The following SLC9B2 variants were observed in gnomAD, a reference collection of about 807,000 sequenced individuals.
The protein encoded by SLC9B2 is solute carrier family 9 member B2.
Under a neutral mutation model 52.2 loss-of-function variants are expected in SLC9B2, and 39 were observed. That is an observed-to-expected ratio of 0.75 (90% confidence interval 0.58 to 0.98). The LOEUF is 0.98. Ranked by LOEUF, SLC9B2 falls within the 50% of genes least tolerant of loss-of-function variation. The pLI is 0.00. For missense variants in SLC9B2, 626 were observed against 637.5 expected (o/e 0.98, Z 0.19); for synonymous variants, 214 against 227.0 (o/e 0.94, Z 0.51).
At chr4:103,040,923 A>T (rs932812906) in intron 9 of SLC9B2, among the ~76,000 whole-genome samples, 3 of 152,180 alleles carry the variant, frequency 2.0e-5, no homozygotes, top group African/African-American at 7.2e-5. Context: ...AATTTGTAGT[A>T]GGGCCCAGAA....
At chr4:103,046,441 CTT>C (rs150052400) in intron 7 of SLC9B2, among the ~76,000 whole-genome samples, 8 of 149,904 alleles carry the variant, frequency 5.3e-5, no homozygotes, top group Non-Finnish European at 9.0e-5. Context: ...GAAAAAATAA[CTT>C]AAGTTCCTCT....
At chr4:103,057,095 A>T (rs1745193319) in intron 4 of SLC9B2, among the ~76,000 whole-genome samples, 1 of 152,032 alleles carries the variant, frequency 6.6e-6, no homozygotes, top group South Asian at 2.1e-4. Flanking sequence ...ATGTCACTGA[A>T]CGTGGAGTTG....
chr4:103,048,818 C>T (rs931671299), intron 6 of SLC9B2, 75 bp downstream of exon 6: 4 of 1,511,136 alleles, frequency 2.6e-6, no homozygotes, highest in Non-Finnish European at 3.6e-6. Flanking sequence ...TTCTATTATG[C>T]ATTCTCTTGT....
intron 7 of SLC9B2, 38 bp from the exon 8 acceptor site, chr4:103,045,034 C>T (rs1743995826): frequency 1.5e-6 from 2 of 1,318,142 alleles, no homozygotes; most frequent in African/African-American, 1.5e-5. Context: ...GCTCTAAATC[C>T]AACAAATACA....
chr4:103,062,777 A>G (rs1377616087), intron 3 of SLC9B2, among the ~76,000 whole-genome samples: 1 of 152,004 alleles, frequency 6.6e-6, no homozygotes, highest in Non-Finnish European at 1.5e-5. Flanking sequence ...TGCATGGCTA[A>G]TTTTTTGTAT....
chr4:103,055,662 A>G (rs193009761), intron 4 of SLC9B2, among the ~76,000 whole-genome samples: 14 of 152,280 alleles, frequency 9.2e-5, no homozygotes, highest in Admixed American at 9.1e-4. Flanking sequence ...CAGAAAAAAA[A>G]AAACTGTTCA....
At chr4:103,064,954 G>A (rs950432178) in intron 3 of SLC9B2, among the ~76,000 whole-genome samples, 1 of 152,058 alleles carries the variant, frequency 6.6e-6, no homozygotes, top group African/African-American at 2.4e-5. Flanking sequence ...GCCAGATGCA[G>A]TGGTATACAT....
At chr4:103,050,136 A>T (rs1259434295) in intron 5 of SLC9B2, 104 bp downstream of exon 5, 1 of 998,272 alleles carries the variant, frequency 1.0e-6, no homozygotes, top group Admixed American at 3.4e-5. Context: ...AATGTCATGC[A>T]AAGTGTCCAC....
At chr4:103,056,894 C>T (rs566751892) in intron 4 of SLC9B2, among the ~76,000 whole-genome samples, 92 of 152,210 alleles carry the variant, frequency 6.0e-4, no homozygotes, top group Middle Eastern at 3.4e-3. Context: ...TGCAGTGTTA[C>T]CATGAATGTT....
chr4:103,030,648 TTA>T (rs943761592), intron 10 of SLC9B2, among the ~76,000 whole-genome samples: 2 of 151,794 alleles, frequency 1.3e-5, no homozygotes, highest in African/African-American at 4.8e-5. Context: ...TAGAGGAATT[TTA>T]TATATATATA....
rs114034657 is a variant in SLC9B2 at position 103,050,339 on chromosome 4, G to A, written c.486C>T (p.Ile162=). ...TGTGCTTGATCTGCACATTATCGTTGATGACTGGGATATTTCTGATGAGAA... is the reference window on the plus strand; with the variant it reads ...TGTGCTTGATCTGCACATTATCGTTAATGACTGGGATATTTCTGATGAGAA... The part of the protein sequence containing the change: ...AGFLIRNIPV[I]NDNVQIKHKW... The change falls in exon 5 of 12, where the codon ATC becomes ATT. Residue 162 remains isoleucine (I), a synonymous_variant. Coordinates refer to ENST00000394785, the MANE Select transcript of SLC9B2 (RefSeq NM_178833.7). The A allele has an allele frequency of 2.9e-4, 464 of 1,608,468 alleles. No homozygotes were observed. In the African/African-American group the frequency reaches 5.5e-3, roughly 19 times the overall value.
chr4:103,054,602 T>A (rs779478975), intron 4 of SLC9B2, among the ~76,000 whole-genome samples: 13 of 152,228 alleles, frequency 8.5e-5, no homozygotes, highest in Non-Finnish European at 2.9e-5. Context: ...ATAGACAATA[T>A]GTAAATGAAT....
chr4:103,068,451 C>A (rs994780559), intron 1 of SLC9B2, among the ~76,000 whole-genome samples: 2 of 152,154 alleles, frequency 1.3e-5, no homozygotes, highest in African/African-American at 4.8e-5. Context: ...TTTTTGTCCT[C>A]TAACATTTCC....
At chr4:103,043,553 T>C (rs1743831522) in intron 8 of SLC9B2, 108 bp from the exon 9 acceptor site, 4 of 1,053,212 alleles carry the variant, frequency 3.8e-6, no homozygotes, top group African/African-American at 1.6e-5. Flanking sequence ...TTAAAATGTC[T>C]ATATAAATAG....
downstream of SLC9B2, chr4:103,020,030 C>A: frequency 1.6e-6 from 1 of 625,998 alleles, no homozygotes; most frequent in Non-Finnish European, 2.0e-6. Context: ...GGTAGAAGAG[C>A]ACGGTCTCTC....
At chr4:103,021,156 T>C (rs957121270), downstream of SLC9B2, among the ~76,000 whole-genome samples, 1 of 130,204 alleles carries the variant, frequency 7.7e-6, no homozygotes, top group Non-Finnish European at 1.7e-5. Context: ...AAGGAAGACC[T>C]TTGCTAGGAG....
chr4:103,067,663 C>T (rs539433724), intron 1 of SLC9B2, 71 bp from the exon 2 acceptor site: 1 of 853,296 alleles, frequency 1.2e-6, no homozygotes, highest in African/African-American at 1.7e-5. Flanking sequence ...TTGGATTGTA[C>T]TTATTTTTTT....
intron 4 of SLC9B2, 52 bp downstream of exon 4, chr4:103,057,749 A>G: frequency 1.6e-5 from 25 of 1,524,544 alleles, no homozygotes; most frequent in Non-Finnish European, 2.1e-5. Flanking sequence ...CCAAACTATT[A>G]TCTTAAAAAT....
chr4:103,031,995 A>T (rs964550284), intron 9 of SLC9B2, among the ~76,000 whole-genome samples, 187 bp from the exon 10 acceptor site: 2 of 152,194 alleles, frequency 1.3e-5, no homozygotes, highest in Non-Finnish European at 2.9e-5. Flanking sequence ...CAGTTAAGAT[A>T]CATGAGGTGT....
Sources: gnomAD v4.1 joint callset for allele counts (sites outside exome capture counted in the v4.1 genomes callset) on GRCh38, gnomAD v4.1.1 for gene constraint, MANE v1.5 for transcripts, NCBI Gene and HGNC (gene_info 2026-07-23, HGNC 2026-07-21) for gene names.